GFRA1: variants seen among roughly 807,000 people sequenced by gnomAD.
The protein encoded by GFRA1 is GDNF family receptor alpha 1, also known as GDNF family receptor alpha-1.
In GFRA1, 16 loss-of-function variants were observed where a neutral mutation model predicts 51.6. The observed-to-expected ratio is 0.31, with a 90% CI of 0.21 to 0.47. The LOEUF (loss-of-function observed/expected upper bound fraction) is 0.47, where lower values mean the gene tolerates loss of function less well. Among genes scored for constraint, GFRA1 ranks in the 20% least tolerant of loss-of-function variants. GFRA1 has a pLI of 1.00. For synonymous variants in GFRA1, 270 were observed against 241.3 expected (o/e 1.12, Z -1.10); for missense variants, 530 against 594.3 (o/e 0.89, Z 1.13).
chr10:116,079,520 G>C, intron 9 of GFRA1, among the ~76,000 whole-genome samples: 1 of 152,100 alleles, frequency 6.6e-6, no homozygotes, highest in Middle Eastern at 3.4e-3. Flanking sequence ...GGCACCCTTC[G>C]CTTCGGGCAG....
intron 4 of GFRA1, among the ~76,000 whole-genome samples, chr10:116,243,860 A>G (rs991152075): frequency 1.3e-5 from 2 of 152,204 alleles, no homozygotes; most frequent in African/African-American, 4.8e-5. Context: ...TCTTGAAAAC[A>G]GGCTCAGAGT....
In GFRA1 at chr10:116,062,272, TAC is replaced by T. The variant is rs1954853454; in HGVS notation, c.*2124_*2125del. The T allele has an allele frequency of 3.0e-5, 12 of 396,996 alleles. No homozygotes were observed. The Admixed American group carries it at 5.3e-4, about 17-fold the overall frequency. 24.6% of individuals were successfully genotyped at this position (396,996 alleles called of 1,614,324 possible). ...CAGAGATACCTTAATGAAAACAAAATACACTCTGTAAGAGATATGCGCTCATA... is the reference window on the plus strand; with the variant it reads ...CAGAGATACCTTAATGAAAACAAAATACTCTGTAAGAGATATGCGCTCATA... On this transcript the variant is annotated 3_prime_UTR_variant, in exon 11 of 11. Transcript: ENST00000355422.
At chr10:116,095,768 C>T (rs192613777) in intron 7 of GFRA1, among the ~76,000 whole-genome samples, 7 of 152,266 alleles carry the variant, frequency 4.6e-5, no homozygotes, top group Middle Eastern at 3.4e-3. Context: ...CTAGTGGTGA[C>T]GTGTGTGACC....
chr10:116,094,876 G>A (rs1277656095), intron 7 of GFRA1, among the ~76,000 whole-genome samples: 1 of 152,202 alleles, frequency 6.6e-6, no homozygotes, highest in African/African-American at 2.4e-5. Context: ...TGAACACTAG[G>A]GGAGGAGGTT....
At chr10:116,255,851 G>A in intron 4 of GFRA1, 1 of 817,406 alleles carries the variant, frequency 1.2e-6, no homozygotes, top group Non-Finnish European at 1.7e-6. Flanking sequence ...TAAGTGTAGA[G>A]TAGAAAATCA....
intron 4 of GFRA1, among the ~76,000 whole-genome samples, chr10:116,251,802 A>G (rs1300787654): frequency 6.6e-6 from 1 of 151,958 alleles, no homozygotes; most frequent in Non-Finnish European, 1.5e-5. Context: ...AGTCACCTGG[A>G]TGGGTGGAGG....
At chr10:116,065,256 G>A (rs1955047723) in intron 10 of GFRA1, among the ~76,000 whole-genome samples, 1 of 152,208 alleles carries the variant, frequency 6.6e-6, no homozygotes, top group Admixed American at 6.5e-5. Context: ...CATCTGGTAA[G>A]CAGTGAGATT....
chr10:116,186,018 A>AG (rs1349335444), intron 5 of GFRA1, among the ~76,000 whole-genome samples: 1 of 152,100 alleles, frequency 6.6e-6, no homozygotes, highest in Non-Finnish European at 1.5e-5. Context: ...TTTGGGAGGT[A>AG]GGGGGGTAGT....
intron 4 of GFRA1, among the ~76,000 whole-genome samples, chr10:116,221,348 C>T (rs1277605188): frequency 1.3e-5 from 2 of 152,120 alleles, no homozygotes; most frequent in Admixed American, 6.5e-5. Context: ...CATTGATAGA[C>T]GTGTGGAAGG....
chr10:116,194,065 T>A lies in GFRA1; in HGVS notation c.433+17566A>T, dbSNP rs1366444616. 3.7e-3 allele frequency among the ~76,000 whole-genome samples: 304 copies of A among 83,222 alleles called. 8 individuals are homozygous for A. Among genetic ancestry groups the A allele is most frequent in the Middle Eastern group, 0.023 (3 of 128 alleles). The allele number at this position is 83,222 out of a possible 152,430, so 54.6% of individuals were successfully genotyped here. A position where few individuals can be genotyped will look rare whatever the true frequency, so the allele number is the denominator to read the frequency against. On this transcript the variant is annotated intron_variant, in intron 5 of 10. Coordinates refer to ENST00000355422, the MANE Select transcript of GFRA1 (RefSeq NM_005264.8). Reference sequence around the variant, plus strand: ...ATAAAAAAAAATAAATAAATAAAATTTAAAAAAAAAAAAAAAAGGTGGCTC... The same window carrying A: ...ATAAAAAAAAATAAATAAATAAAATATAAAAAAAAAAAAAAAAGGTGGCTC...
chr10:116,261,580 A>C (rs1291120385), intron 4 of GFRA1, among the ~76,000 whole-genome samples: 1 of 152,146 alleles, frequency 6.6e-6, no homozygotes, highest in Non-Finnish European at 1.5e-5. Flanking sequence ...ATGTATTCAA[A>C]TAAGATGCCT....
At chr10:116,086,232 A>C (rs942044021) in intron 9 of GFRA1, among the ~76,000 whole-genome samples, 78 of 152,060 alleles carry the variant, frequency 5.1e-4, no homozygotes, top group African/African-American at 1.9e-3. Context: ...TGTTAGTGTA[A>C]CCTCCCACCA....
intron 4 of GFRA1, among the ~76,000 whole-genome samples, chr10:116,264,702 A>C (rs1969530732): frequency 6.6e-6 from 1 of 152,256 alleles, no homozygotes; most frequent in African/African-American, 2.4e-5. Context: ...GTGAATGCAC[A>C]TGAAATACTT....
chr10:116,236,480 T>A (rs1373922015), intron 4 of GFRA1, among the ~76,000 whole-genome samples: 1 of 151,972 alleles, frequency 6.6e-6, no homozygotes, highest in African/African-American at 2.4e-5. Flanking sequence ...ACTAAATTAA[T>A]ATGGTCCCTG....
intron 6 of GFRA1, among the ~76,000 whole-genome samples, chr10:116,098,117 C>T (rs1227301693): frequency 6.6e-6 from 1 of 152,162 alleles, no homozygotes; most frequent in Non-Finnish European, 1.5e-5. Flanking sequence ...GTTCTGGGGA[C>T]CTGACTCCAT....
At chr10:116,237,054 T>C (rs945753375) in intron 4 of GFRA1, among the ~76,000 whole-genome samples, 3 of 152,364 alleles carry the variant, frequency 2.0e-5, no homozygotes, top group Admixed American at 2.0e-4. Context: ...CTACATGTAA[T>C]ATATGTACTA....
chr10:116,262,843 T>C (rs1446750318), intron 4 of GFRA1, among the ~76,000 whole-genome samples: 1 of 152,116 alleles, frequency 6.6e-6, no homozygotes, highest in Non-Finnish European at 1.5e-5. Context: ...CTTGCCGCTA[T>C]GAGGGGTACT....
Position 116,064,550 on chromosome 10 carries a change from A to AGGAAGAATGGTTTCATTATCATCC in GFRA1, c.1252-30_1252-7dup. The AGGAAGAATGGTTTCATTATCATCC allele has an allele frequency of 6.2e-7, 1 of 1,610,634 alleles. No homozygotes were observed. Among genetic ancestry groups the AGGAAGAATGGTTTCATTATCATCC allele is most frequent in the South Asian group, 1.1e-5 (1 of 90,940 alleles). ...CCTTCTTTTTCATAATTACCCTGTA[A>AGGAAGAATGGTTTCATTATCATCC]GGAAGAATGGTTTCATTATCATCCA... On this transcript the variant is annotated splice_region_variant and splice_polypyrimidine_tract_variant and intron_variant, in intron 10 of 10. Coordinates refer to ENST00000355422, the MANE Select transcript of GFRA1 (RefSeq NM_005264.8).
chr10:116,131,140 G>C (rs959614965), intron 5 of GFRA1, among the ~76,000 whole-genome samples: 13 of 152,132 alleles, frequency 8.5e-5, no homozygotes, highest in African/African-American at 3.1e-4. Flanking sequence ...TAAGATAAAT[G>C]AATGGCCAAG....
Sources: allele counts gnomAD v4.1 joint callset (sites outside exome capture counted in the v4.1 genomes callset), GRCh38; gene constraint gnomAD v4.1.1; transcripts MANE v1.5; gene names NCBI Gene and HGNC (gene_info 2026-07-23, HGNC 2026-07-21).